The following MCPH1 variants were observed in gnomAD, a reference collection of about 807,000 sequenced individuals.
The protein encoded by MCPH1 is microcephalin 1, also known as microcephalin.
MCPH1 carries 104 observed loss-of-function variants against 84.5 expected under a neutral mutation model. The observed-to-expected ratio is 1.23, with a 90% CI of 1.05 to 1.45. MCPH1 has a LOEUF of 1.45. MCPH1 is among the 40% of genes most tolerant of loss of function. The pLI is 0.00. For synonymous variants in MCPH1, 514 were observed against 366.8 expected (o/e 1.40, Z -4.58); for missense variants, 1,498 against 1,005.7 (o/e 1.49, Z -6.62).
intron 11 of MCPH1, among the ~76,000 whole-genome samples, chr8:6,491,393 T>C (rs1167970475): frequency 1.3e-5 from 2 of 150,350 alleles, no homozygotes; most frequent in Admixed American, 6.6e-5. Context: ...TTTTTTTTTT[T>C]AGCTGCTAAA....
intron 9 of MCPH1, among the ~76,000 whole-genome samples, chr8:6,465,806 C>A (rs886899828): frequency 6.6e-6 from 1 of 152,170 alleles, no homozygotes; most frequent in East Asian, 1.9e-4. Context: ...CAGAAATGCA[C>A]AGCTGTACGT....
chr8:6,490,978 AATT>A (rs1158004845), intron 11 of MCPH1, among the ~76,000 whole-genome samples: 2 of 149,204 alleles, frequency 1.3e-5, no homozygotes, highest in African/African-American at 2.4e-5. Context: ...CATTAATAAC[AATT>A]ATTTAATATT....
intron 11 of MCPH1, among the ~76,000 whole-genome samples, chr8:6,497,651 T>C (rs895625964): frequency 6.6e-6 from 1 of 152,198 alleles, no homozygotes; most frequent in Non-Finnish European, 1.5e-5. Context: ...GAACACGGGA[T>C]GACTGGGTAC....
chr8:6,482,658 G>A (rs906693069), intron 11 of MCPH1, among the ~76,000 whole-genome samples: 4 of 152,216 alleles, frequency 2.6e-5, no homozygotes, highest in African/African-American at 9.6e-5. Flanking sequence ...TACTGCCTTT[G>A]CTGTCGACAT....
At position 6,430,379 on chromosome 8, in the gene MCPH1, A is replaced by G. The variant is rs963000405; in HGVS notation, c.234-1120A>G. Among the ~76,000 whole-genome samples the G allele has an allele frequency of 3.3e-5, 5 of 152,202 alleles. No individual in the cohort carries two copies. In the South Asian group the frequency reaches 8.3e-4, roughly 25 times the overall value. ...CCACTGCATTGTATACTGAGGGGAT[A>G]ATGCGAGATGAGAAAGGAAAATCAC... On this transcript the variant is annotated intron_variant, in intron 3 of 13. Transcript: ENST00000344683.
At chr8:6,614,287 C>T (rs1009804414) in intron 12 of MCPH1, among the ~76,000 whole-genome samples, 43 of 152,210 alleles carry the variant, frequency 2.8e-4, no homozygotes, top group African/African-American at 2.7e-4. Context: ...CGATGGAAGA[C>T]GGTCAGGTGC....
At chr8:6,467,511 G>C (rs761243636) in intron 9 of MCPH1, among the ~76,000 whole-genome samples, 4 of 151,994 alleles carry the variant, frequency 2.6e-5, no homozygotes, top group African/African-American at 4.8e-5. Flanking sequence ...TACTTCCTCA[G>C]GTGAAGTTTT....
chr8:6,614,105 A>C (rs1347978914), intron 12 of MCPH1, among the ~76,000 whole-genome samples: 1 of 151,904 alleles, frequency 6.6e-6, no homozygotes, highest in Non-Finnish European at 1.5e-5. Flanking sequence ...GTAACTCTAC[A>C]CTGAGAATTA....
intron 13 of MCPH1, chr8:6,624,946 G>T: frequency 2.6e-6 from 2 of 777,294 alleles, no homozygotes; most frequent in Non-Finnish European, 3.1e-6. Context: ...TGAGATCTCA[G>T]CTCACTGCAA....
chr8:6,411,361 T>C (rs1260613878), intron 2 of MCPH1, among the ~76,000 whole-genome samples: 1 of 152,028 alleles, frequency 6.6e-6, no homozygotes, highest in African/African-American at 2.4e-5. Context: ...TAGAAATAAA[T>C]AAATAAATAA....
chr8:6,423,779 AAG>A (rs1800629524), intron 3 of MCPH1, among the ~76,000 whole-genome samples: 1 of 152,218 alleles, frequency 6.6e-6, no homozygotes, highest in Non-Finnish European at 1.5e-5. Flanking sequence ...TATCTTCTGG[AAG>A]GAGTGTACTG....
chr8:6,545,454 C>T (rs1283870205), intron 12 of MCPH1, among the ~76,000 whole-genome samples: 6 of 152,138 alleles, frequency 3.9e-5, no homozygotes, highest in African/African-American at 1.4e-4. Flanking sequence ...TTTTATTTGT[C>T]TCTGCAGTTT....
At chr8:6,529,789 A>G (rs1322436408) in intron 12 of MCPH1, among the ~76,000 whole-genome samples, 1 of 151,472 alleles carries the variant, frequency 6.6e-6, no homozygotes, top group African/African-American at 2.4e-5. Context: ...CATGTGTTTA[A>G]TTGGGCTTCA....
chr8:6,625,249 C>G (rs1432443488), intron 13 of MCPH1: 51 of 985,334 alleles, frequency 5.2e-5, no homozygotes, highest in Non-Finnish European at 5.9e-5. Flanking sequence ...TTGCTTACCC[C>G]ACATGCTGGT....
At chr8:6,419,248 C>G (rs1002158100) in intron 3 of MCPH1, among the ~76,000 whole-genome samples, 1 of 151,792 alleles carries the variant, frequency 6.6e-6, no homozygotes, top group Admixed American at 6.6e-5. Flanking sequence ...AAGACAGGGT[C>G]TTGCTCTGTT....
intron 9 of MCPH1, among the ~76,000 whole-genome samples, chr8:6,470,191 T>A (rs1807529135): frequency 6.6e-6 from 1 of 152,234 alleles, no homozygotes; most frequent in African/African-American, 2.4e-5. Flanking sequence ...TTGCTAATAA[T>A]AAGATAAAGG....
At chr8:6,499,955 G>A (rs767957754) in intron 12 of MCPH1, 26 bp downstream of exon 12, 1 of 1,587,746 alleles carries the variant, frequency 6.3e-7, no homozygotes, top group Non-Finnish European at 8.6e-7. Flanking sequence ...TTTTACGATG[G>A]TAAATGCAGT....
At chr8:6,591,911 C>G (rs555539490) in intron 12 of MCPH1, among the ~76,000 whole-genome samples, 1 of 152,268 alleles carries the variant, frequency 6.6e-6, no homozygotes, top group Non-Finnish European at 1.5e-5. Flanking sequence ...AAATTCCTTA[C>G]TGTATGTTTA....
chr8:6,450,249 T>C (rs1017364575), intron 8 of MCPH1, among the ~76,000 whole-genome samples: 1 of 152,064 alleles, frequency 6.6e-6, no homozygotes, highest in African/African-American at 2.4e-5. Context: ...CAGAAAGACA[T>C]TTATTAAACA....
Sources: allele counts gnomAD v4.1 joint callset (sites outside exome capture counted in the v4.1 genomes callset), GRCh38; gene constraint gnomAD v4.1.1; transcripts MANE v1.5; gene names NCBI Gene and HGNC (gene_info 2026-07-23, HGNC 2026-07-21).